The following ARL15 variants were observed in gnomAD, a reference collection of about 807,000 sequenced individuals.
ARL15 encodes ARF like GTPase 15, also known as ADP-ribosylation factor-like protein 15.
Under a neutral mutation model 25.2 loss-of-function variants are expected in ARL15, and 19 were observed. The ratio of observed to expected loss-of-function variants is 0.75; its 90% CI spans 0.53 to 1.10. The LOEUF (loss-of-function observed/expected upper bound fraction) is 1.10. Among genes scored for constraint, ARL15 ranks in the 50% least tolerant of loss-of-function variants. The pLI, the probability that ARL15 is intolerant of heterozygous loss-of-function variation, is 0.00. For missense variants in ARL15, 220 were observed against 246.0 expected (o/e 0.89, Z 0.71); for synonymous variants, 94 against 86.8 (o/e 1.08, Z -0.46).
chr5:54,010,715 A>T (rs1344856455), intron 4 of ARL15, among the ~76,000 whole-genome samples: 1 of 152,196 alleles, frequency 6.6e-6, no homozygotes, highest in Non-Finnish European at 1.5e-5. Flanking sequence ...AATAAAAAAA[A>T]TTTTAAAAAA....
chr5:54,075,125 A>C (rs548048667), intron 4 of ARL15, among the ~76,000 whole-genome samples: 1 of 148,468 alleles, frequency 6.7e-6, no homozygotes, highest in African/African-American at 2.5e-5. Flanking sequence ...TATTACTTTA[A>C]ATAAGTTAAA....
At chr5:54,014,488 T>A (rs887445604) in intron 4 of ARL15, among the ~76,000 whole-genome samples, 1 of 150,854 alleles carries the variant, frequency 6.6e-6, no homozygotes, top group African/African-American at 2.4e-5. Context: ...TTGTCCCCCA[T>A]CCCATAACCT....
intron 1 of ARL15, among the ~76,000 whole-genome samples, chr5:54,213,849 A>G (rs1453128148): frequency 1.3e-5 from 2 of 152,224 alleles, no homozygotes; most frequent in African/African-American, 4.8e-5. Context: ...CAAAGATTTG[A>G]AGATGGACAA....
chr5:53,897,441 G>C (rs1744909903), intron 4 of ARL15, among the ~76,000 whole-genome samples: 1 of 152,296 alleles, frequency 6.6e-6, no homozygotes, highest in Middle Eastern at 3.4e-3. Context: ...TTTTACGGCT[G>C]AATAATATTC....
At chr5:54,146,444 A>C (rs1393639936) in intron 3 of ARL15, among the ~76,000 whole-genome samples, 2 of 152,216 alleles carry the variant, frequency 1.3e-5, no homozygotes, top group Non-Finnish European at 2.9e-5. Context: ...TGGAAAAGTT[A>C]AGTGCGCCCT....
intron 1 of ARL15, among the ~76,000 whole-genome samples, chr5:54,274,743 A>G (rs1757881835): frequency 6.6e-6 from 1 of 152,128 alleles, no homozygotes; most frequent in East Asian, 1.9e-4. Flanking sequence ...CTAAAAATAC[A>G]AAAATACAGG....
chr5:54,279,456 G>C (rs1758002317), intron 1 of ARL15, among the ~76,000 whole-genome samples: 1 of 152,150 alleles, frequency 6.6e-6, no homozygotes, highest in African/African-American at 2.4e-5. Flanking sequence ...GGCAGACAGA[G>C]AGAGAGAGAA....
intron 4 of ARL15, among the ~76,000 whole-genome samples, chr5:53,982,169 ATTCTT>A (rs1354008943): frequency 1.5e-5 from 2 of 133,682 alleles, no homozygotes; most frequent in Non-Finnish European, 3.4e-5. Flanking sequence ...GCTTTTAAAC[ATTCTT>A]TTTTTTTTTT....
chr5:53,973,555 C>A lies in ARL15; in HGVS notation c.463-86842G>T, dbSNP rs545326515. Among the ~76,000 whole-genome samples, 18 of 110,022 alleles carry A rather than the reference C, an allele frequency of 1.6e-4. No homozygotes were observed. The South Asian group carries it at 4.7e-3, about 29-fold the overall frequency. 72.2% of individuals were successfully genotyped at this position (110,022 alleles called of 152,430 possible). A position where few individuals can be genotyped will look rare whatever the true frequency, so the allele number is the denominator to read the frequency against. On this transcript the variant is annotated intron_variant, in intron 4 of 4. Transcript: ENST00000504924. ...AGCCATTGCGCTCCAGCCTGGGCAACAAGAGTGAAACTTCATCTCAAAAAA... is the reference window on the plus strand; with the variant it reads ...AGCCATTGCGCTCCAGCCTGGGCAAAAAGAGTGAAACTTCATCTCAAAAAA...
intron 1 of ARL15, among the ~76,000 whole-genome samples, chr5:54,203,227 C>T (rs954157224): frequency 2.6e-5 from 4 of 152,262 alleles, no homozygotes; most frequent in Admixed American, 2.6e-4. Flanking sequence ...TCAGAGGACA[C>T]AAATCGGCTT....
chr5:53,923,139 ATGAC>A (rs1362517663), intron 4 of ARL15, among the ~76,000 whole-genome samples: 1 of 152,208 alleles, frequency 6.6e-6, no homozygotes, highest in African/African-American at 2.4e-5. Context: ...GTTTTGGAGA[ATGAC>A]TGCCTCTTCA....
intron 4 of ARL15, among the ~76,000 whole-genome samples, chr5:54,098,609 A>AG (rs1752353396): frequency 6.6e-6 from 1 of 152,178 alleles, no homozygotes; most frequent in African/African-American, 2.4e-5. Flanking sequence ...CTGAGAATGA[A>AG]GGGGGAAAAA....
intron 4 of ARL15, among the ~76,000 whole-genome samples, chr5:54,060,469 G>C (rs950167321): frequency 6.6e-6 from 1 of 152,080 alleles, no homozygotes; most frequent in Non-Finnish European, 1.5e-5. Context: ...AAAAAAACAT[G>C]GGAGTTTCCC....
chr5:54,265,445 A>G (rs1757600602), intron 1 of ARL15, among the ~76,000 whole-genome samples: 1 of 152,232 alleles, frequency 6.6e-6, no homozygotes. Flanking sequence ...ATATTAAAGT[A>G]AGAGCATGGT....
At chr5:54,248,266 C>A (rs1006103425) in intron 1 of ARL15, among the ~76,000 whole-genome samples, 1 of 152,154 alleles carries the variant, frequency 6.6e-6, no homozygotes, top group Admixed American at 6.5e-5. Context: ...GTCAAACCAA[C>A]AAAACTATCT....
intron 1 of ARL15, among the ~76,000 whole-genome samples, chr5:54,224,133 G>A (rs1756453243): frequency 6.6e-6 from 1 of 152,178 alleles, no homozygotes; most frequent in Non-Finnish European, 1.5e-5. Flanking sequence ...GTGGAGTGAG[G>A]AGGAGCGAAG....
intron 4 of ARL15, among the ~76,000 whole-genome samples, chr5:53,995,095 G>A (rs1311200485): frequency 1.3e-5 from 2 of 152,056 alleles, no homozygotes; most frequent in African/African-American, 2.4e-5. Context: ...CAGATCACGA[G>A]GTCAGGAATT....
Position 54,285,250 on chromosome 5 carries a change from T to A in ARL15, c.48+25182A>T, listed in dbSNP as rs1002989304. 3 of 492,460 alleles carry A rather than the reference T, an allele frequency of 6.1e-6. No individual in the cohort carries two copies. In the African/African-American group the frequency reaches 6.3e-5, roughly 10 times the overall value. 30.5% of individuals were successfully genotyped at this position (492,460 alleles called of 1,614,324 possible). On this transcript the variant is annotated intron_variant, in intron 1 of 4. Transcript: ENST00000504924. The stretch of plus-strand genomic sequence containing the variant: ...AAAAAGATGTCAAAAACAAGACAGA[T>A]TGGTTACAATCTGTTTAAGAGAGGT...
rs1191628344 is a variant in ARL15, at chr5:53,991,339, C to T, written c.463-104626G>A. On this transcript the variant is annotated intron_variant, in intron 4 of 4. Coordinates refer to ENST00000504924, the MANE Select transcript of ARL15 (RefSeq NM_019087.3). ...GGCAGATCACCTGAGGTAAGGAGTT[C>T]GAGACCAGCCTGACCAATATGATGA... is the stretch of plus-strand genomic sequence containing the variant. Among the ~76,000 whole-genome samples, 7 of 151,848 alleles carry T rather than the reference C, an allele frequency of 4.6e-5. No individual in the cohort carries two copies. The South Asian group carries it at 8.3e-4, about 18-fold the overall frequency.
Sources: allele counts gnomAD v4.1 joint callset (sites outside exome capture counted in the v4.1 genomes callset), GRCh38; gene constraint gnomAD v4.1.1; transcripts MANE v1.5; gene names NCBI Gene and HGNC (gene_info 2026-07-23, HGNC 2026-07-21).